The following MED12L variants were observed in gnomAD, a reference collection of about 807,000 sequenced individuals.
MED12L encodes mediator complex subunit 12L.
Under a neutral mutation model 281.3 loss-of-function variants are expected in MED12L, and 60 were observed. That is an observed-to-expected ratio of 0.21 (90% CI 0.17 to 0.26). The LOEUF (loss-of-function observed/expected upper bound fraction) is 0.26, where lower values mean the gene tolerates loss of function less well. Ranked by LOEUF, MED12L falls within the 10% of genes least tolerant of loss-of-function variation. The pLI, the probability that MED12L is intolerant of heterozygous loss-of-function variation, is 1.00. For missense variants in MED12L, 2,146 were observed against 2,680.9 expected (o/e 0.80, Z 4.41); for synonymous variants, 974 against 987.2 (o/e 0.99, Z 0.25).
At chr3:151,105,280 C>G (rs924904274) in intron 2 of MED12L, among the ~76,000 whole-genome samples, 1 of 152,160 alleles carries the variant, frequency 6.6e-6, no homozygotes, top group Non-Finnish European at 1.5e-5. Flanking sequence ...AAAACATGCA[C>G]CAAGCTCTCA....
At chr3:151,263,465 A>G (rs1739273914) in intron 16 of MED12L, among the ~76,000 whole-genome samples, 1 of 152,192 alleles carries the variant, frequency 6.6e-6, no homozygotes. Context: ...TTTAAATAAC[A>G]TTTGTTTGTA....
chr3:151,383,838 G>A lies in MED12L; in HGVS notation c.4740G>A (p.Leu1580=), dbSNP rs765203353. The A allele has an allele frequency of 1.2e-6, 2 of 1,614,044 alleles. No homozygotes were observed. The highest frequency in any genetic ancestry group is 2.2e-5 in the East Asian group (1 of 44,866). Residue 1580 remains leucine (L), a synonymous_variant, in exon 34 of 45, where the codon CTG becomes CTA. Transcript: ENST00000687756. ...RSTQWTTDWA[L]LLLQIITSGT... ...CCCAGTGGACTACAGACTGGGCCCTGCTACTCCTTCAGATCATTACTTCAG... is the reference window on the plus strand; with the variant it reads ...CCCAGTGGACTACAGACTGGGCCCTACTACTCCTTCAGATCATTACTTCAG...
chr3:151,155,967 C>G (rs549849950), intron 5 of MED12L, among the ~76,000 whole-genome samples, 194 bp from the exon 6 acceptor site: 79 of 152,326 alleles, frequency 5.2e-4, no homozygotes, highest in Middle Eastern at 3.4e-3. Flanking sequence ...CCACCTCACA[C>G]TAGCATGCGT....
At chr3:151,349,655 T>C (rs984703595) in intron 16 of MED12L, among the ~76,000 whole-genome samples, 9 of 152,148 alleles carry the variant, frequency 5.9e-5, no homozygotes, top group Non-Finnish European at 8.8e-5. Context: ...ATATTTACTA[T>C]TGCTATATAT....
At chr3:151,133,094 C>T (rs1219867545) in intron 5 of MED12L, among the ~76,000 whole-genome samples, 2 of 152,168 alleles carry the variant, frequency 1.3e-5, no homozygotes, top group Non-Finnish European at 2.9e-5. Context: ...CCTTTTCTGG[C>T]ATTGGTTTTA....
chr3:151,200,046 T>C (rs1240238664), intron 16 of MED12L, among the ~76,000 whole-genome samples: 1 of 152,174 alleles, frequency 6.6e-6, no homozygotes, highest in Non-Finnish European at 1.5e-5. Flanking sequence ...TACAAAATCC[T>C]TGGAGAAAGA....
chr3:151,409,182 A>G lies in MED12L; in HGVS notation c.5821-61A>G. 5 of 1,318,856 alleles carry G rather than the reference A, an allele frequency of 3.8e-6. No individual in the cohort carries two copies. The Admixed American group carries it at 6.9e-5, about 18-fold the overall frequency. 81.7% of individuals were successfully genotyped at this position (1,318,856 alleles called of 1,614,324 possible). A position where few individuals can be genotyped will look rare whatever the true frequency, so the allele number is the denominator to read the frequency against. ...ATGTGGGTTATTTGGATTATTAACCAGAAGCTCAAATCAAGCCCTTGCTGT... is the reference window on the plus strand; with the variant it reads ...ATGTGGGTTATTTGGATTATTAACCGGAAGCTCAAATCAAGCCCTTGCTGT... On this transcript the variant is annotated intron_variant, in intron 39 of 44. Coordinates refer to ENST00000687756, the MANE Select transcript of MED12L (RefSeq NM_001393769.1).
intron 39 of MED12L, among the ~76,000 whole-genome samples, chr3:151,402,514 C>T (rs999841291): frequency 8.5e-5 from 13 of 152,158 alleles, no homozygotes; most frequent in Middle Eastern, 3.2e-3. Context: ...GACTTGTTTA[C>T]TTAATGTCTT....
At chr3:151,235,532 C>T (rs1051797263) in intron 16 of MED12L, among the ~76,000 whole-genome samples, 3 of 151,950 alleles carry the variant, frequency 2.0e-5, no homozygotes, top group Admixed American at 2.0e-4. Flanking sequence ...GGTGAAACCC[C>T]ATCTCTACTA....
chr3:151,368,953 G>A (rs1414643324), intron 25 of MED12L, among the ~76,000 whole-genome samples: 2 of 151,302 alleles, frequency 1.3e-5, no homozygotes, highest in East Asian at 3.9e-4. Flanking sequence ...GTAGAGATGG[G>A]GATTTCACTG....
At chr3:151,237,456 T>C (rs1309794540) in intron 16 of MED12L, among the ~76,000 whole-genome samples, 1 of 142,252 alleles carries the variant, frequency 7.0e-6, no homozygotes, top group Non-Finnish European at 1.5e-5. Flanking sequence ...TTCAAGCGAT[T>C]CTCCTGCCTC....
chr3:151,192,463 TA>T, intron 14 of MED12L, 86 bp from the exon 15 acceptor site: 1 of 982,156 alleles, frequency 1.0e-6, no homozygotes, highest in Non-Finnish European at 1.5e-6. Flanking sequence ...CAGAGATGGT[TA>T]AAAATCCCAC....
intron 16 of MED12L, among the ~76,000 whole-genome samples, chr3:151,219,038 T>C (rs973865074): frequency 6.6e-6 from 1 of 152,190 alleles, no homozygotes; most frequent in Non-Finnish European, 1.5e-5. Context: ...TTGGAGACTT[T>C]GGTAACATAA....
chr3:151,401,137 CT>C (rs1268442483), intron 39 of MED12L, among the ~76,000 whole-genome samples: 1 of 152,006 alleles, frequency 6.6e-6, no homozygotes, highest in Non-Finnish European at 1.5e-5. Flanking sequence ...TATTTTGCGG[CT>C]TTTTTGTAGC....
rs761200164 is a variant in MED12L at position 151,388,042 on chromosome 3, C to T, written c.5321C>T (p.Pro1774Leu). The T allele has an allele frequency of 2.4e-5, 39 of 1,613,872 alleles. No individual in the cohort carries two copies. The highest frequency in any genetic ancestry group is 3.2e-5 in the Non-Finnish European group (38 of 1,180,002). Reference sequence around the variant, plus strand: ...CCTCCTGAGGAGGAAGAGGAAGAGCCCACATCTCCAGTTTCTCAGGAACCA... The same window carrying T: ...CCTCCTGAGGAGGAAGAGGAAGAGCTCACATCTCCAGTTTCTCAGGAACCA... Reference protein sequence around the residue: ...PLPPEEEEEEPTSPVSQEPER... With the variant: ...PLPPEEEEEELTSPVSQEPER... The change falls in exon 37 of 45, where the codon CCC (proline) becomes CTC (leucine). Residue 1774 changes from proline to leucine, a missense_variant. By Grantham distance (98) the Pro-to-Leu change is moderately conservative. Coordinates refer to ENST00000687756, the MANE Select transcript of MED12L (RefSeq NM_001393769.1).
intron 16 of MED12L, among the ~76,000 whole-genome samples, chr3:151,243,295 A>T (rs1442802778): frequency 6.6e-6 from 1 of 151,554 alleles, no homozygotes; most frequent in Non-Finnish European, 1.5e-5. Context: ...GAGAAGAGCA[A>T]CTCCAAGACA....
At chr3:151,329,404 T>G in intron 16 of MED12L, 1 of 898,376 alleles carries the variant, frequency 1.1e-6, no homozygotes. Flanking sequence ...AATATTAACT[T>G]TAAAGCACCT....
intron 3 of MED12L, 132 bp from the exon 4 acceptor site, chr3:151,122,651 A>T: frequency 1.5e-6 from 1 of 645,258 alleles, no homozygotes; most frequent in Non-Finnish European, 2.4e-6. Flanking sequence ...TCAAAGACTT[A>T]AATTCCCAAT....
At chr3:151,367,899 A>G (rs989016530) in intron 24 of MED12L, 133 bp downstream of exon 24, 3 of 1,074,884 alleles carry the variant, frequency 2.8e-6, no homozygotes, top group East Asian at 2.4e-5. Context: ...CAAGGTAGAT[A>G]TGGTAGAATT....
Sources: allele counts gnomAD v4.1 joint callset (sites outside exome capture counted in the v4.1 genomes callset), GRCh38; gene constraint gnomAD v4.1.1; transcripts MANE v1.5; gene names NCBI Gene and HGNC (gene_info 2026-07-23, HGNC 2026-07-21).